The following SUPT4H1 variants were observed in gnomAD, a reference collection of about 807,000 sequenced individuals.
SUPT4H1 encodes the protein transcription elongation factor SPT4.
In SUPT4H1, 12 loss-of-function variants were observed where a neutral mutation model predicts 19.4. The ratio of observed to expected loss-of-function variants is 0.62; its 90% CI spans 0.40 to 1.00. The LOEUF (loss-of-function observed/expected upper bound fraction) is 1.00. SUPT4H1 is among the 50% of genes least tolerant of loss of function. SUPT4H1 has a pLI of 0.00. For synonymous variants in SUPT4H1, 58 were observed against 56.3 expected (o/e 1.03, Z -0.14); for missense variants, 115 against 149.2 (o/e 0.77, Z 1.19).
chr17:58,346,365 T>G, intron 4 of SUPT4H1, 52 bp from the exon 5 acceptor site: 2 of 1,516,678 alleles, frequency 1.3e-6, no homozygotes, highest in South Asian at 1.1e-5. Context: ...AAGGGTAAGA[T>G]AGGCCACTCA....
rs1567867370 is a variant in SUPT4H1, at chr17:58,351,458, T to C, written c.120A>G (p.Leu40=). Residue 40 remains leucine (L), a synonymous_variant, in exon 2 of 5, where the codon CTA becomes CTG. Coordinates refer to ENST00000225504, the MANE Select transcript of SUPT4H1 (RefSeq NM_003168.3). ...CCATCTCTCGGTTACCCTTCATTTG[T>C]AGATATGCATCACAATTGTCACAAC... ...YDGCDNCDAY[L]QMKGNREMVY... 3.7e-6 allele frequency: 6 copies of C among 1,614,098 alleles called. No homozygotes were observed. The highest frequency in any genetic ancestry group is 5.1e-6 in the Non-Finnish European group (6 of 1,179,988).
rs1347504988 is a variant in SUPT4H1 at position 58,345,814 on chromosome 17, G to A, written c.*432C>T. The A allele has an allele frequency of 6.4e-6, 1 of 157,052 alleles. No homozygotes were observed. Among genetic ancestry groups the A allele is most frequent in the African/African-American group, 2.4e-5 (1 of 41,498 alleles). 9.7% of individuals were successfully genotyped at this position (157,052 alleles called of 1,614,324 possible). ...ATCCCAGAGGCTGAGACAGTCAAGA[G>A]GGAGTAGAAGGGCCTCTGCTGCTCT... is the stretch of plus-strand genomic sequence containing the variant. On this transcript the variant is annotated 3_prime_UTR_variant, in exon 5 of 5. Transcript: ENST00000225504.
chr17:58,350,005 G>C (rs764776625), intron 2 of SUPT4H1, among the ~76,000 whole-genome samples: 1 of 152,226 alleles, frequency 6.6e-6, no homozygotes, highest in Non-Finnish European at 1.5e-5. Context: ...AATGGCGACC[G>C]GGCACAGTGG....
intron 2 of SUPT4H1, among the ~76,000 whole-genome samples, chr17:58,351,188 G>A (rs761779988): frequency 8.2e-5 from 12 of 145,860 alleles, no homozygotes; most frequent in Non-Finnish European, 1.6e-4. Context: ...ATCATTCCAC[G>A]CTGCAGTGAG....
chr17:58,351,685 A>C (rs1598118070), intron 1 of SUPT4H1, 177 bp from the exon 2 acceptor site: 2 of 569,034 alleles, frequency 3.5e-6, no homozygotes, highest in Non-Finnish European at 6.2e-6. Context: ...CCACCCTCCC[A>C]CTCCTTCCTC....
chr17:58,347,576 G>A lies in SUPT4H1; in HGVS notation c.185C>T (p.Ala62Val), dbSNP rs771855308. 3.2e-5 allele frequency: 52 copies of A among 1,614,134 alleles called. No individual in the cohort carries two copies. Among genetic ancestry groups the A allele is most frequent in the Non-Finnish European group, 3.8e-5 (45 of 1,180,010 alleles). The change falls in exon 3 of 5, where the codon GCG becomes GTG. Residue 62 changes from alanine to valine, a missense_variant. Coordinates refer to ENST00000225504, the MANE Select transcript of SUPT4H1 (RefSeq NM_003168.3). ...CTSSSFDGIIAMMSPEDSWVS... is the reference protein window; with the variant it reads ...CTSSSFDGIIVMMSPEDSWVS... Reference sequence around the variant, plus strand: ...CCAGCTGTCCTCTGGACTCATCATCGCAATGATTCTAGGGAGGGAAAAGAA... The same window carrying A: ...CCAGCTGTCCTCTGGACTCATCATCACAATGATTCTAGGGAGGGAAAAGAA...
At chr17:58,352,036 T>A (rs1402927103) in intron 1 of SUPT4H1, 31 bp downstream of exon 1, 4 of 1,612,474 alleles carry the variant, frequency 2.5e-6, no homozygotes, top group Admixed American at 1.7e-5. Flanking sequence ...TGGTCCCCCA[T>A]GGGCCCTACA....
At position 58,346,061 on chromosome 17, in the gene SUPT4H1, C is replaced by A; in HGVS notation, c.*185G>T. 45 of 535,546 alleles carry A rather than the reference C, an allele frequency of 8.4e-5. No homozygotes were observed. The highest frequency in any genetic ancestry group is 7.4e-5 in the Non-Finnish European group (22 of 297,414). 33.2% of individuals were successfully genotyped at this position (535,546 alleles called of 1,614,324 possible). On this transcript the variant is annotated 3_prime_UTR_variant, in exon 5 of 5. Coordinates refer to ENST00000225504, the MANE Select transcript of SUPT4H1 (RefSeq NM_003168.3). ...CATCTGTTAATCCACCAACCCAAAT[C>A]CCTCCCACCCCACCTGTAGTCCAAA...
rs1005465082 is a variant in SUPT4H1, at chr17:58,345,677, G to A, written c.*569C>T. On this transcript the variant is annotated 3_prime_UTR_variant, in exon 5 of 5. Coordinates refer to ENST00000225504, the MANE Select transcript of SUPT4H1 (RefSeq NM_003168.3). ...GGGATACTGCTGTGCCAGGTCTCGA[G>A]GGCAGAAGGATACAAGTGTGAGACA... The A allele has an allele frequency of 3.3e-5, 5 of 152,546 alleles. No homozygotes were observed. Among genetic ancestry groups the A allele is most frequent in the African/African-American group, 1.2e-4 (5 of 41,406 alleles). 9.4% of individuals were successfully genotyped at this position (152,546 alleles called of 1,614,324 possible).
At chr17:58,349,784 A>T (rs1282390231) in intron 2 of SUPT4H1, among the ~76,000 whole-genome samples, 3 of 152,244 alleles carry the variant, frequency 2.0e-5, no homozygotes. Flanking sequence ...GAAGCTAAAA[A>T]ATGCTACTGA....
At chr17:58,349,517 C>T (rs899006808) in intron 2 of SUPT4H1, among the ~76,000 whole-genome samples, 1 of 152,188 alleles carries the variant, frequency 6.6e-6, no homozygotes, top group African/African-American at 2.4e-5. Context: ...GGTTGTAACT[C>T]CTCGGAAGTT....
At chr17:58,347,391 A>C (rs1268335765) in intron 3 of SUPT4H1, 138 bp downstream of exon 3, 1 of 1,341,176 alleles carries the variant, frequency 7.5e-7, no homozygotes, top group Non-Finnish European at 1.1e-6. Context: ...GGCACAGGAC[A>C]CTGCTTCCCT....
intron 1 of SUPT4H1, 105 bp from the exon 2 acceptor site, chr17:58,351,613 C>G: frequency 1.3e-6 from 1 of 778,302 alleles, no homozygotes; most frequent in Non-Finnish European, 2.2e-6. Context: ...TCTTGTTTCC[C>G]TATGTTGACT....
At position 58,352,196 on chromosome 17, in the gene SUPT4H1, G is replaced by GT; in HGVS notation, c.-62dup. The GT allele has an allele frequency of 6.5e-7, 1 of 1,530,588 alleles. No individual in the cohort carries two copies. Among genetic ancestry groups the GT allele is most frequent in the South Asian group, 1.1e-5 (1 of 89,038 alleles). The allele number at this position is 1,530,588 out of a possible 1,614,324, so 94.8% of individuals were successfully genotyped here. A position where few individuals can be genotyped will look rare whatever the true frequency, so the allele number is the denominator to read the frequency against. On this transcript the variant is annotated 5_prime_UTR_variant, in exon 1 of 5. Coordinates refer to ENST00000225504, the MANE Select transcript of SUPT4H1 (RefSeq NM_003168.3). Reference sequence around the variant, plus strand: ...ACCACAGCCTGTGCACCCGCAGGAAGTAAATAGCTCGTTACCCAGAATGCC... The same window carrying GT: ...ACCACAGCCTGTGCACCCGCAGGAAGTTAAATAGCTCGTTACCCAGAATGCC...
At chr17:58,351,996 CA>C (rs761138180) in intron 1 of SUPT4H1, 70 bp downstream of exon 1, 1 of 1,526,402 alleles carries the variant, frequency 6.6e-7, no homozygotes, top group African/African-American at 1.4e-5. Flanking sequence ...TACTGTCCCA[CA>C]GCCCCATTCC....
chr17:58,347,176 GATT>G lies in SUPT4H1; in HGVS notation c.286+9_286+11del, dbSNP rs769720421. 2 of 1,613,262 alleles carry G rather than the reference GATT, an allele frequency of 1.2e-6. No homozygotes were observed. The highest frequency in any genetic ancestry group is 1.3e-5 in the African/African-American group (1 of 74,984). On this transcript the variant is annotated intron_variant, in intron 4 of 4. Coordinates refer to ENST00000225504, the MANE Select transcript of SUPT4H1 (RefSeq NM_003168.3). ...ACAGTAAATGAACATTGGCTGTTATGATTATTATTACCTTGGGGCAGGCGACCA... is the reference window on the plus strand; with the variant it reads ...ACAGTAAATGAACATTGGCTGTTATGATTATTACCTTGGGGCAGGCGACCA...
intron 1 of SUPT4H1, 98 bp downstream of exon 1, chr17:58,351,969 G>T: frequency 7.5e-7 from 1 of 1,327,028 alleles, no homozygotes; most frequent in Non-Finnish European, 1.1e-6. Context: ...TGAGTTCTGA[G>T]ACTTAACTTT....
At chr17:58,349,419 T>C (rs557827329) in intron 2 of SUPT4H1, among the ~76,000 whole-genome samples, 37 of 152,362 alleles carry the variant, frequency 2.4e-4, no homozygotes, top group Non-Finnish European at 4.3e-4. Context: ...CTGAGCACAT[T>C]TGAAGTAGGC....
At chr17:58,349,922 T>C (rs368786047) in intron 2 of SUPT4H1, among the ~76,000 whole-genome samples, 2 of 152,124 alleles carry the variant, frequency 1.3e-5, no homozygotes, top group Non-Finnish European at 2.9e-5. Flanking sequence ...ATGAAAAAAG[T>C]TCTGGAGATG....
Sources: allele counts gnomAD v4.1 joint callset (sites outside exome capture counted in the v4.1 genomes callset), GRCh38; gene constraint gnomAD v4.1.1; transcripts MANE v1.5; gene names NCBI Gene and HGNC (gene_info 2026-07-23, HGNC 2026-07-21).